Variants in PPARG observed in about 807,000 individuals in gnomAD.
PPARG encodes the protein peroxisome proliferator-activated receptor gamma.
In PPARG, 17 loss-of-function variants were observed where a neutral mutation model predicts 39.2. The observed-to-expected ratio is 0.43, with a 90% CI of 0.30 to 0.65. The LOEUF (loss-of-function observed/expected upper bound fraction) is 0.65. Among genes scored for constraint, PPARG ranks in the 30% least tolerant of loss-of-function variants. PPARG has a pLI of 0.13. For synonymous variants in PPARG, 223 were observed against 215.7 expected (o/e 1.03, Z -0.30); for missense variants, 406 against 585.9 (o/e 0.69, Z 3.17).
chr3:12,386,774 G>T (rs1014579427), intron 4 of PPARG, among the ~76,000 whole-genome samples: 7 of 152,022 alleles, frequency 4.6e-5, no homozygotes, highest in African/African-American at 1.7e-4. Context: ...CAACGTGCAG[G>T]TTTGTTACAT....
intron 2 of PPARG, among the ~76,000 whole-genome samples, chr3:12,349,304 C>G (rs1297493957): frequency 6.6e-6 from 1 of 152,168 alleles, no homozygotes; most frequent in Non-Finnish European, 1.5e-5. Context: ...TAATAAGATA[C>G]AAATGAGATT....
chr3:12,379,645 T>C, intron 2 of PPARG, 59 bp from the exon 3 acceptor site: 1 of 1,454,002 alleles, frequency 6.9e-7, no homozygotes, highest in East Asian at 2.3e-5. Context: ...TCTGAAACTC[T>C]GTGAGATTGC....
At chr3:12,380,527 A>T (rs958905785) in intron 3 of PPARG, among the ~76,000 whole-genome samples, 1 of 152,212 alleles carries the variant, frequency 6.6e-6, no homozygotes, top group Admixed American at 6.5e-5. Context: ...TATTTCTGTG[A>T]TGCTATTTCC....
In PPARG at chr3:12,421,131, G is replaced by A. The variant is rs1163249789; in HGVS notation, c.1180+3977G>A. 3.3e-5 allele frequency among the ~76,000 whole-genome samples: 5 copies of A among 152,194 alleles called. No individual in the cohort carries two copies. The South Asian group carries it at 1.0e-3, about 32-fold the overall frequency. On this transcript the variant is annotated intron_variant, in intron 7 of 7. Transcript: ENST00000651735. ...TGAGATCTGACAAACTAGTGCCACC[G>A]TGGAACTAACACTGAAACCTGGGTG...
intron 6 of PPARG, among the ~76,000 whole-genome samples, chr3:12,411,975 CGAT>C (rs1249742639): frequency 6.6e-6 from 1 of 152,144 alleles, no homozygotes; most frequent in Non-Finnish European, 1.5e-5. Context: ...AAGCCACACT[CGAT>C]GAGGCACACA....
chr3:12,379,562 TG>T (rs1389040272), intron 2 of PPARG, 141 bp from the exon 3 acceptor site: 2 of 726,980 alleles, frequency 2.8e-6, no homozygotes, highest in African/African-American at 3.5e-5. Context: ...ACTAAGAAGG[TG>T]GTTATGTTCT....
intron 7 of PPARG, among the ~76,000 whole-genome samples, chr3:12,425,727 A>G (rs984644286): frequency 6.6e-6 from 1 of 152,168 alleles, no homozygotes; most frequent in Non-Finnish European, 1.5e-5. Context: ...GGGACTGCAG[A>G]TGGCTCCCCT....
intron 5 of PPARG, among the ~76,000 whole-genome samples, chr3:12,395,261 A>T (rs1366896638): frequency 6.6e-6 from 1 of 152,218 alleles, no homozygotes; most frequent in Non-Finnish European, 1.5e-5. Context: ...GTCTTCACAG[A>T]TAGGTAGGCA....
chr3:12,412,446 AAT>A (rs1491179123), intron 6 of PPARG, among the ~76,000 whole-genome samples: 1 of 152,174 alleles, frequency 6.6e-6, no homozygotes, highest in Non-Finnish European at 1.5e-5. Flanking sequence ...TGAAAATCAA[AAT>A]ATGTCAAAAT....
chr3:12,422,463 C>CA (rs1559535574), intron 7 of PPARG, among the ~76,000 whole-genome samples: 1 of 152,158 alleles, frequency 6.6e-6, no homozygotes, highest in African/African-American at 2.4e-5. Flanking sequence ...TGCACTTAAC[C>CA]ATTAGACTCT....
chr3:12,348,431 GA>G (rs1337058857), intron 2 of PPARG, among the ~76,000 whole-genome samples: 1 of 152,194 alleles, frequency 6.6e-6, no homozygotes, highest in East Asian at 1.9e-4. Context: ...AAATGTTGAA[GA>G]GTAGCTTTCT....
At chr3:12,289,425 A>T (rs1162533265) in intron 1 of PPARG, among the ~76,000 whole-genome samples, 1 of 152,242 alleles carries the variant, frequency 6.6e-6, no homozygotes, top group Non-Finnish European at 1.5e-5. Flanking sequence ...TATCATTTGG[A>T]TATAAAACCA....
chr3:12,360,755 T>A (rs2048820553), intron 2 of PPARG, among the ~76,000 whole-genome samples: 1 of 152,236 alleles, frequency 6.6e-6, no homozygotes, highest in Non-Finnish European at 1.5e-5. Context: ...ATCACACTAT[T>A]GAATGTAATT....
intron 2 of PPARG, among the ~76,000 whole-genome samples, chr3:12,333,751 T>C (rs1220872346): frequency 6.6e-6 from 1 of 152,180 alleles, no homozygotes; most frequent in Non-Finnish European, 1.5e-5. Context: ...TTTCGTCAGT[T>C]AGTCAGACAA....
intron 2 of PPARG, among the ~76,000 whole-genome samples, chr3:12,347,254 G>A (rs574981195): frequency 7.9e-5 from 12 of 151,880 alleles, no homozygotes; most frequent in African/African-American, 2.2e-4. Context: ...GGAGGCTGAG[G>A]CAGGGGGGTC....
At chr3:12,366,391 A>G (rs140127331) in intron 2 of PPARG, among the ~76,000 whole-genome samples, 14 of 152,080 alleles carry the variant, frequency 9.2e-5, no homozygotes, top group Admixed American at 9.2e-4. Flanking sequence ...TTTGCAAACA[A>G]AGACAGTTTT....
intron 1 of PPARG, chr3:12,305,953 C>G (rs2047052082): frequency 6.6e-6 from 1 of 152,190 alleles, no homozygotes; most frequent in Non-Finnish European, 1.5e-5. Flanking sequence ...TCATCTAGCT[C>G]TTGATGGTAA....
intron 1 of PPARG, among the ~76,000 whole-genome samples, chr3:12,298,455 A>G (rs1181533664): frequency 6.6e-6 from 1 of 151,850 alleles, no homozygotes; most frequent in Non-Finnish European, 1.5e-5. Flanking sequence ...TTCTTTTTTC[A>G]TCTTTTCTGT....
chr3:12,363,130 G>T (rs907951427), intron 2 of PPARG, among the ~76,000 whole-genome samples: 1 of 152,120 alleles, frequency 6.6e-6, no homozygotes, highest in African/African-American at 2.4e-5. Flanking sequence ...GTGTTGTCTA[G>T]GCTGGTCTTG....
Sources: allele counts gnomAD v4.1 joint callset (sites outside exome capture counted in the v4.1 genomes callset), GRCh38; gene constraint gnomAD v4.1.1; transcripts MANE v1.5; gene names NCBI Gene and HGNC (gene_info 2026-07-23, HGNC 2026-07-21).